The following STAG1 variants were observed in gnomAD, a reference collection of about 807,000 sequenced individuals.
STAG1 encodes the protein STAG1 cohesin complex component.
A neutral mutation model predicts 170.9 loss-of-function variants in STAG1; 26 were observed. That is an observed-to-expected ratio of 0.15 (90% CI 0.11 to 0.21). STAG1 has a LOEUF of 0.21. Ranked by LOEUF, STAG1 falls within the 10% of genes least tolerant of loss-of-function variation. The pLI is 1.00. For synonymous variants in STAG1, 514 were observed against 497.7 expected (o/e 1.03, Z -0.44); for missense variants, 964 against 1,509.5 (o/e 0.64, Z 5.99).
In STAG1 at chr3:136,337,267, A is replaced by ATTACT. The variant is rs1935719212; in HGVS notation, c.*982_*986dup. On this transcript the variant is annotated 3_prime_UTR_variant, in exon 34 of 34. Coordinates refer to ENST00000383202, the MANE Select transcript of STAG1 (RefSeq NM_005862.3). ...TAAACACAGTTATGTTACACTTAAA[A>ATTACT]TTACTTTTGAATGATTGATAAAGGA... 3 of 152,648 alleles carry ATTACT rather than the reference A, an allele frequency of 2.0e-5. No homozygotes were observed. The highest frequency in any genetic ancestry group is 7.2e-5 in the African/African-American group (3 of 41,472). 9.5% of individuals were successfully genotyped at this position (152,648 alleles called of 1,614,324 possible). A position where few individuals can be genotyped will look rare whatever the true frequency, so the allele number is the denominator to read the frequency against.
chr3:136,595,708 A>G (rs2107797880), intron 4 of STAG1, among the ~76,000 whole-genome samples: 1 of 149,582 alleles, frequency 6.7e-6, no homozygotes, highest in Non-Finnish European at 1.5e-5. Context: ...ATAAATAAAT[A>G]AATAAATAAA....
intron 1 of STAG1, among the ~76,000 whole-genome samples, chr3:136,660,032 T>G (rs1375015600): frequency 6.6e-6 from 1 of 152,220 alleles, no homozygotes; most frequent in Non-Finnish European, 1.5e-5. Context: ...TTTTAAATTT[T>G]TAAAAATTAA....
At chr3:136,587,888 G>T (rs1006577283) in intron 4 of STAG1, among the ~76,000 whole-genome samples, 15 of 152,110 alleles carry the variant, frequency 9.9e-5, no homozygotes, top group African/African-American at 7.2e-5. Flanking sequence ...CTTGAACCCG[G>T]GGGGGCGGAG....
At chr3:136,696,469 C>T (rs1340076192) in intron 1 of STAG1, among the ~76,000 whole-genome samples, 1 of 152,008 alleles carries the variant, frequency 6.6e-6, no homozygotes, top group Non-Finnish European at 1.5e-5. Context: ...TGGGTGCATG[C>T]TATATTTGAC....
At chr3:136,694,414 G>A (rs2107900881) in intron 1 of STAG1, among the ~76,000 whole-genome samples, 1 of 152,068 alleles carries the variant, frequency 6.6e-6, no homozygotes, top group East Asian at 1.9e-4. Flanking sequence ...CCAGGAGTCT[G>A]AACCTAGCCT....
intron 22 of STAG1, among the ~76,000 whole-genome samples, chr3:136,398,442 T>A (rs774268760): frequency 6.6e-6 from 1 of 152,084 alleles, no homozygotes; most frequent in Non-Finnish European, 1.5e-5. Context: ...TTTAATAGCA[T>A]GTTACCTATC....
At chr3:136,381,559 A>G (rs925921930) in intron 22 of STAG1, among the ~76,000 whole-genome samples, 2 of 152,182 alleles carry the variant, frequency 1.3e-5, no homozygotes, top group Admixed American at 1.3e-4. Context: ...AGACTGCAGT[A>G]AGCTGAAAGG....
At chr3:136,724,040 C>G (rs1467198308) in intron 1 of STAG1, among the ~76,000 whole-genome samples, 1 of 149,568 alleles carries the variant, frequency 6.7e-6, no homozygotes, top group Non-Finnish European at 1.5e-5. Context: ...CGCCTCTGCC[C>G]GGCCGCCCCT....
rs187266369 is a variant in STAG1 at position 136,683,523 on chromosome 3, C to T, written c.-83-52542G>A. On this transcript the variant is annotated intron_variant, in intron 1 of 33. Transcript: ENST00000383202. ...AGGTGATCCACCAGCCTCGGCCTCC[C>T]AAAGTGCTAGGATTACTGGCACGAG... 8.2e-4 allele frequency among the ~76,000 whole-genome samples: 125 copies of T among 152,230 alleles called. No homozygotes were observed. The East Asian group carries it at 0.02, about 25-fold the overall frequency.
intron 6 of STAG1, among the ~76,000 whole-genome samples, chr3:136,533,513 C>G (rs968917461): frequency 1.3e-5 from 2 of 151,984 alleles, no homozygotes; most frequent in Admixed American, 6.6e-5. Flanking sequence ...ATGGTGAGGT[C>G]CTCAAGGATG....
At chr3:136,710,276 T>C (rs1943347341) in intron 1 of STAG1, among the ~76,000 whole-genome samples, 1 of 152,162 alleles carries the variant, frequency 6.6e-6, no homozygotes, top group Non-Finnish European at 1.5e-5. Flanking sequence ...GCTTATCAAC[T>C]TTCACACAGT....
chr3:136,717,038 T>A (rs1943558729), intron 1 of STAG1, among the ~76,000 whole-genome samples: 1 of 152,254 alleles, frequency 6.6e-6, no homozygotes, highest in Admixed American at 6.5e-5. Flanking sequence ...AAATGGTTTA[T>A]AACAGCAACG....
chr3:136,711,204 G>C (rs1423869590), intron 1 of STAG1, among the ~76,000 whole-genome samples: 1 of 152,064 alleles, frequency 6.6e-6, no homozygotes, highest in African/African-American at 2.4e-5. Flanking sequence ...TAAGGCAACA[G>C]TATAATCCCA....
chr3:136,485,110 T>A (rs538593785), intron 9 of STAG1, among the ~76,000 whole-genome samples: 2 of 152,278 alleles, frequency 1.3e-5, no homozygotes, highest in South Asian at 4.1e-4. Flanking sequence ...CCTCCTATTA[T>A]AATCTTTCAT....
intron 1 of STAG1, among the ~76,000 whole-genome samples, chr3:136,732,197 T>C (rs112344641): frequency 1.1e-3 from 170 of 150,896 alleles, no homozygotes; most frequent in African/African-American, 2.4e-3. Flanking sequence ...CTACACCATG[T>C]TGCCTTTGTA....
intron 22 of STAG1, among the ~76,000 whole-genome samples, chr3:136,388,772 T>C (rs190194866): frequency 6.3e-4 from 96 of 152,274 alleles, no homozygotes; most frequent in African/African-American, 2.3e-3. Flanking sequence ...AAAAACCTAC[T>C]GTAGTAAGGA....
intron 7 of STAG1, among the ~76,000 whole-genome samples, chr3:136,511,201 C>T (rs1484950363): frequency 1.3e-5 from 2 of 152,208 alleles, no homozygotes; most frequent in Non-Finnish European, 2.9e-5. Flanking sequence ...CTGAGGCTTC[C>T]CTAGCAATGC....
chr3:136,357,316 T>C (rs971777275), intron 28 of STAG1, among the ~76,000 whole-genome samples: 3 of 152,092 alleles, frequency 2.0e-5, no homozygotes, highest in Non-Finnish European at 4.4e-5. Context: ...ATTACATATA[T>C]ATTTCTTTAA....
rs184401249 is a variant in STAG1, at chr3:136,472,525, A to G, written c.1126-33T>C. On this transcript the variant is annotated intron_variant, in intron 11 of 33. Coordinates refer to ENST00000383202, the MANE Select transcript of STAG1 (RefSeq NM_005862.3). Reference sequence around the variant, plus strand: ...AAAAAAGTTGTAAAACAAACCAACTATGAACAGAAAATAAGCTGGGACAGA... The same window carrying G: ...AAAAAAGTTGTAAAACAAACCAACTGTGAACAGAAAATAAGCTGGGACAGA... 1,414 of 1,480,900 alleles carry G rather than the reference A, an allele frequency of 9.5e-4. 16 individuals are homozygous for G. The highest frequency in any genetic ancestry group is 7.8e-5 in the Non-Finnish European group (83 of 1,060,960). The allele number at this position is 1,480,900 out of a possible 1,614,324, so 91.7% of individuals were successfully genotyped here. A position where few individuals can be genotyped will look rare whatever the true frequency, so the allele number is the denominator to read the frequency against.
Sources: allele counts gnomAD v4.1 joint callset (sites outside exome capture counted in the v4.1 genomes callset), GRCh38; gene constraint gnomAD v4.1.1; transcripts MANE v1.5; gene names NCBI Gene and HGNC (gene_info 2026-07-23, HGNC 2026-07-21).